Variants in SAA4 observed in about 807,000 individuals in gnomAD.
The protein encoded by SAA4 is serum amyloid A-4 protein.
In SAA4, 8 loss-of-function variants were observed where a neutral mutation model predicts 11.2. The observed-to-expected ratio is 0.71, with a 90% confidence interval of 0.42 to 1.29. SAA4 has a LOEUF of 1.29. Among genes scored for constraint, SAA4 ranks in the 50% most tolerant of loss-of-function variants. The probability of loss-of-function intolerance (pLI) is 0.01; values close to 1 mark genes in which losing one functional copy is unlikely to be tolerated. For missense variants in SAA4, 171 were observed against 164.2 expected, an observed-to-expected ratio of 1.04 and a Z score of -0.23; for synonymous variants, 60 against 56.2, an observed-to-expected ratio of 1.07 and a Z score of -0.30.
At chr11:18,234,405 T>C (rs1333781288) in intron 2 of SAA4, among the ~76,000 whole-genome samples, 1 of 152,238 alleles carries the variant, frequency 6.6e-6, no homozygotes, top group Non-Finnish European at 1.5e-5. Flanking sequence ...CTGTGTACTA[T>C]ATGTAAGTTA....
At position 18,231,391 on chromosome 11, in the gene SAA4, G is replaced by A; in HGVS notation, c.*111C>T. On this transcript the variant is annotated 3_prime_UTR_variant, in exon 4 of 4. Transcript: ENST00000278222. ...AAACATTTATTGAACACCTCTAGGTGCCCTATACCAGTTCCTGGGGACACA... is the reference window on the plus strand; with the variant it reads ...AAACATTTATTGAACACCTCTAGGTACCCTATACCAGTTCCTGGGGACACA... The A allele has an allele frequency of 4.1e-6, 6 of 1,474,390 alleles. No homozygotes were observed. The highest frequency in any genetic ancestry group is 1.3e-5 in the South Asian group (1 of 74,200). 91.3% of individuals were successfully genotyped at this position (1,474,390 alleles called of 1,614,324 possible). A position where few individuals can be genotyped will look rare whatever the true frequency, so the allele number is the denominator to read the frequency against.
At chr11:18,236,654 T>G (rs775111461) in intron 1 of SAA4, 63 bp downstream of exon 1, 14 of 152,238 alleles carry the variant, frequency 9.2e-5, no homozygotes, top group Non-Finnish European at 2.1e-4. Context: ...ATTTGACAAT[T>G]ATGTGAGAAA....
intron 2 of SAA4, among the ~76,000 whole-genome samples, chr11:18,235,206 A>G (rs753764398): frequency 2.5e-4 from 38 of 152,246 alleles, no homozygotes; most frequent in Admixed American, 7.2e-4. Context: ...ATAACAACAC[A>G]TGAAGTTCAA....
chr11:18,231,453 A>G lies in SAA4; in HGVS notation c.*49T>C. 6.3e-7 allele frequency: 1 copy of G among 1,588,650 alleles called. No homozygotes were observed. Among genetic ancestry groups the G allele is most frequent in the African/African-American group, 1.3e-5 (1 of 74,104 alleles). ...CCCTGTGTCCCTGTCTGGGGGGAGA[A>G]GTGTGTGGCTCACAGCCCAGTTTCC... On this transcript the variant is annotated 3_prime_UTR_variant, in exon 4 of 4. Transcript: ENST00000278222.
intron 2 of SAA4, among the ~76,000 whole-genome samples, chr11:18,233,870 G>A (rs146521754): frequency 3.3e-4 from 50 of 152,096 alleles, no homozygotes; most frequent in African/African-American, 1.1e-3. Context: ...CTGTTTGCTG[G>A]TATCTACGAA....
At chr11:18,232,291 C>T (rs1857145897) in intron 3 of SAA4, 104 bp downstream of exon 3, 2 of 1,520,502 alleles carry the variant, frequency 1.3e-6, no homozygotes, top group Non-Finnish European at 1.8e-6. Context: ...CCACCCAGAC[C>T]CCAGGAGTAT....
chr11:18,231,759 C>CT lies in SAA4; in HGVS notation c.231-96_231-95insA. ...TGCTAACTCCCTCCTCTTCTCCCAC[C>CT]CAAGTAATGACTGAGAGGAGGCTGG... On this transcript the variant is annotated intron_variant, in intron 3 of 3. Transcript: ENST00000278222. 3 of 1,450,038 alleles carry CT rather than the reference C, an allele frequency of 2.1e-6. No individual in the cohort carries two copies. The African/African-American group carries it at 4.3e-5, about 21-fold the overall frequency. The allele number at this position is 1,450,038 out of a possible 1,614,324, so 89.8% of individuals were successfully genotyped here.
chr11:18,234,458 A>C (rs775549498), intron 2 of SAA4, among the ~76,000 whole-genome samples: 6 of 152,222 alleles, frequency 3.9e-5, no homozygotes, highest in Non-Finnish European at 8.8e-5. Context: ...GGAAAAATAG[A>C]TGTTTGAAAC....
At chr11:18,236,004 T>C (rs950476981) in intron 1 of SAA4, 74 bp from the exon 2 acceptor site, 1 of 1,352,434 alleles carries the variant, frequency 7.4e-7, no homozygotes, top group African/African-American at 1.5e-5. Context: ...ACTGAATTTC[T>C]TTCCTTTTTT....
At chr11:18,235,299 G>A (rs1204182137) in intron 2 of SAA4, among the ~76,000 whole-genome samples, 3 of 152,326 alleles carry the variant, frequency 2.0e-5, no homozygotes, top group South Asian at 2.1e-4. Context: ...AATGGCAGAA[G>A]TCAGTTTCCC....
chr11:18,236,752 G>C lies in SAA4; in HGVS notation c.-40C>G, dbSNP rs1468894404. On this transcript the variant is annotated 5_prime_UTR_variant, in exon 1 of 4. Transcript: ENST00000278222. ...TTCTCCAGATGAAATTTCAGTAAAGGCAGAGCTGCTGGTATCTTCTGGCCG... is the reference window on the plus strand; with the variant it reads ...TTCTCCAGATGAAATTTCAGTAAAGCCAGAGCTGCTGGTATCTTCTGGCCG... 1.3e-5 allele frequency: 2 copies of C among 152,204 alleles called. No homozygotes were observed. Among genetic ancestry groups the C allele is most frequent in the African/African-American group, 2.4e-5 (1 of 41,448 alleles). The allele number at this position is 152,204 out of a possible 1,614,324, so 9.4% of individuals were successfully genotyped here.
Position 18,231,373 on chromosome 11 carries a change from T to C in SAA4, c.*129A>G, listed in dbSNP as rs977285502. ...CAACAAATTCAATTTGACAAACATT[T>C]ATTGAACACCTCTAGGTGCCCTATA... On this transcript the variant is annotated 3_prime_UTR_variant, in exon 4 of 4. Coordinates refer to ENST00000278222, the MANE Select transcript of SAA4 (RefSeq NM_006512.4). The C allele has an allele frequency of 4.7e-5, 64 of 1,372,576 alleles. No individual in the cohort carries two copies. Among genetic ancestry groups the C allele is most frequent in the Admixed American group, 9.8e-5 (4 of 40,912 alleles). The allele number at this position is 1,372,576 out of a possible 1,614,324, so 85.0% of individuals were successfully genotyped here.
intron 2 of SAA4, among the ~76,000 whole-genome samples, chr11:18,234,324 G>C (rs1857180556): frequency 6.6e-6 from 1 of 152,206 alleles, no homozygotes; most frequent in Admixed American, 6.5e-5. Context: ...CGGGGTGTGT[G>C]AAATGTTTGA....
chr11:18,232,431 C>T lies in SAA4; in HGVS notation c.194G>A (p.Arg65Lys). Reference protein sequence around the residue: ...YARGNYDAAQRGPGGVWAAKL... With the variant: ...YARGNYDAAQKGPGGVWAAKL... ...AGCAGCCCAGACACCCCCAGGTCCTCTTTGGGCAGCATCATAGTTTCCCCG... is the reference window on the plus strand; with the variant it reads ...AGCAGCCCAGACACCCCCAGGTCCTTTTTGGGCAGCATCATAGTTTCCCCG... Residue 65 changes from arginine (R) to lysine (K), a missense_variant, in exon 3 of 4, where the codon AGA (arginine) becomes AAA (lysine). Arg to Lys is a conservative substitution (Grantham distance 26, BLOSUM62 2). Transcript: ENST00000278222. The T allele has an allele frequency of 6.2e-7, 1 of 1,614,184 alleles. No homozygotes were observed. Among genetic ancestry groups the T allele is most frequent in the Non-Finnish European group, 8.5e-7 (1 of 1,180,040 alleles).
At chr11:18,234,854 G>A (rs1304467007) in intron 2 of SAA4, among the ~76,000 whole-genome samples, 3 of 152,128 alleles carry the variant, frequency 2.0e-5, no homozygotes, top group African/African-American at 4.8e-5. Flanking sequence ...GTTCTCATTG[G>A]CATTGTGCTT....
intron 3 of SAA4, 60 bp from the exon 4 acceptor site, chr11:18,231,724 C>G: frequency 1.9e-6 from 3 of 1,544,614 alleles, no homozygotes; most frequent in East Asian, 2.3e-5. Context: ...TCACCTGAGA[C>G]AGCTCCACCT....
Position 18,231,665 on chromosome 11 carries a change from C to T in SAA4, c.231-1G>A. Reference sequence around the variant, plus strand: ...TCCCTGAAGATAGACCCTGGAACGGCTGCAACCCAAAGAAAGGAGACAGGA... The same window carrying T: ...TCCCTGAAGATAGACCCTGGAACGGTTGCAACCCAAAGAAAGGAGACAGGA... On this transcript the variant is annotated splice_acceptor_variant, in intron 3 of 3. Coordinates refer to ENST00000278222, the MANE Select transcript of SAA4 (RefSeq NM_006512.4). LOFTEE classifies it high-confidence loss of function. 3 of 1,609,418 alleles carry T rather than the reference C, an allele frequency of 1.9e-6. No individual in the cohort carries two copies. The highest frequency in any genetic ancestry group is 2.5e-6 in the Non-Finnish European group (3 of 1,178,004).
chr11:18,236,026 T>A, intron 1 of SAA4, 96 bp from the exon 2 acceptor site: 1 of 1,219,218 alleles, frequency 8.2e-7, no homozygotes, highest in African/African-American at 1.6e-5. Flanking sequence ...CTTTCTTTTT[T>A]TCCTTTTCTT....
chr11:18,235,822 TC>T lies in SAA4; in HGVS notation c.91+13del. On this transcript the variant is annotated intron_variant, in intron 2 of 3. Transcript: ENST00000278222. ...AATCCTGGGTATGTGCCCTCCATCC[TC>T]CAGAGTTCTTACCTTGGAGAGCCTC... 6.2e-7 allele frequency: 1 copy of T among 1,612,644 alleles called. No homozygotes were observed. Among genetic ancestry groups the T allele is most frequent in the Admixed American group, 1.7e-5 (1 of 59,848 alleles).
Sources: gnomAD v4.1 joint callset for allele counts (sites outside exome capture counted in the v4.1 genomes callset) on GRCh38, gnomAD v4.1.1 for gene constraint, MANE v1.5 for transcripts, NCBI Gene and HGNC (gene_info 2026-07-23, HGNC 2026-07-21) for gene names.